SAXO1: variants seen among roughly 807,000 people sequenced by gnomAD.
SAXO1 encodes the protein 4930500O09Rik.
SAXO1 carries 21 observed loss-of-function variants against 17.5 expected under a neutral mutation model. The ratio of observed to expected loss-of-function variants is 1.20; its 90% CI spans 0.85 to 1.72. SAXO1 has a LOEUF of 1.72. Ranked by LOEUF, SAXO1 falls within the 40% of genes most tolerant of loss-of-function variation. SAXO1 has a pLI of 0.00. For synonymous variants in SAXO1, 274 were observed against 216.5 expected, an observed-to-expected ratio of 1.27 and a Z score of -2.33; for missense variants, 843 against 596.0, an observed-to-expected ratio of 1.41 and a Z score of -4.32.
rs1831354246 is a variant in SAXO1, at chr9:18,937,532, G to A, written c.421+4105C>T. ...TAATAGAATAAAAGTATTTGCTATA[G>A]TCTGAATGTGCCCCAAAATTCATGT... On this transcript the variant is annotated intron_variant, in intron 3 of 3. Transcript: ENST00000380534. Among the ~76,000 whole-genome samples, 3 of 152,308 alleles carry A rather than the reference G, an allele frequency of 2.0e-5. No homozygotes were observed. The South Asian group carries it at 6.2e-4, about 32-fold the overall frequency.
intron 1 of SAXO1, among the ~76,000 whole-genome samples, chr9:19,041,297 GAC>G (rs1836074153): frequency 6.6e-6 from 1 of 151,706 alleles, no homozygotes; most frequent in Admixed American, 6.6e-5. Flanking sequence ...AACAGAAGAG[GAC>G]ACAAAAAAGT....
chr9:18,943,014 C>T (rs531176933), intron 2 of SAXO1, among the ~76,000 whole-genome samples: 133 of 152,258 alleles, frequency 8.7e-4, no homozygotes, highest in Non-Finnish European at 1.6e-3. Flanking sequence ...ATAAAACCCA[C>T]TTCCTGGCCA....
In SAXO1 at chr9:18,928,913, A is replaced by G; in HGVS notation, c.564T>C (p.Cys188=). 1 of 1,614,176 alleles carries G rather than the reference A, an allele frequency of 6.2e-7. No individual in the cohort carries two copies. Among genetic ancestry groups the G allele is most frequent in the Non-Finnish European group, 8.5e-7 (1 of 1,180,034 alleles). ...PIKGLVKTIS[C]KPLAMPKLCN... ...AGAGCTTTGGCATGGCCAGAGGTTT[A>G]CAGCTTATGGTCTTCACAAGGCCTT... The change falls in exon 4 of 4, where the codon TGT becomes TGC. Residue 188 remains cysteine (C), a synonymous_variant. Transcript: ENST00000380534.
At chr9:19,031,081 C>G (rs1391684108) in intron 1 of SAXO1, among the ~76,000 whole-genome samples, 1 of 152,206 alleles carries the variant, frequency 6.6e-6, no homozygotes, top group East Asian at 1.9e-4. Context: ...AAGGAACACC[C>G]AAATGAGTCA....
chr9:19,033,079 G>C lies in SAXO1; in HGVS notation c.-171C>G. On this transcript the variant is annotated 5_prime_UTR_variant, in exon 1 of 4. Coordinates refer to ENST00000380534, the MANE Select transcript of SAXO1 (RefSeq NM_153707.4). ...CTTTTGCAATGTCCTGTCGTCTGTT[G>C]CCCTCCTGGAGCTGGCCTAGCGCGA... 1.6e-6 allele frequency: 1 copy of C among 627,212 alleles called. No individual in the cohort carries two copies. Among genetic ancestry groups the C allele is most frequent in the Non-Finnish European group, 2.6e-6 (1 of 390,850 alleles). The allele number at this position is 627,212 out of a possible 1,614,324, so 38.9% of individuals were successfully genotyped here.
At chr9:19,027,401 A>T (rs1835533027) in intron 1 of SAXO1, 1 of 760,462 alleles carries the variant, frequency 1.3e-6, no homozygotes, top group Non-Finnish European at 2.4e-6. Context: ...CAATACAGTG[A>T]CACTGGGGGC....
Position 19,027,534 on chromosome 9 carries a change from C to T in SAXO1, c.38+5337G>A. On this transcript the variant is annotated intron_variant, in intron 1 of 3. Transcript: ENST00000380534. ...TGCTGGCCCCCAGGGACGGAGAAGA[C>T]CCTCCTGGCCTGGGCCTGTAGGGCA... 4 of 1,035,576 alleles carry T rather than the reference C, an allele frequency of 3.9e-6. No individual in the cohort carries two copies. The Admixed American group carries it at 5.1e-5, about 13-fold the overall frequency. 64.1% of individuals were successfully genotyped at this position (1,035,576 alleles called of 1,614,324 possible).
intron 1 of SAXO1, among the ~76,000 whole-genome samples, chr9:19,019,988 T>A (rs1207463997): frequency 6.7e-6 from 1 of 148,788 alleles, no homozygotes; most frequent in Non-Finnish European, 1.5e-5. Context: ...GCATTCCATA[T>A]AAACTGGCCA....
chr9:18,992,082 C>T (rs1269144662), intron 1 of SAXO1, among the ~76,000 whole-genome samples: 1 of 152,188 alleles, frequency 6.6e-6, no homozygotes, highest in Non-Finnish European at 1.5e-5. Context: ...TGATTTGTCA[C>T]AACATCCCAT....
In SAXO1 at chr9:18,927,661, TC is replaced by T. The variant is rs1830823679; in HGVS notation, c.*390del. Reference sequence around the variant, plus strand: ...CTGCATAGCCAGCCTACAGATTCATTCCCCCCAAAATAAAATTTATTCTTTG... The same window carrying T: ...CTGCATAGCCAGCCTACAGATTCATTCCCCCAAAATAAAATTTATTCTTTG... On this transcript the variant is annotated 3_prime_UTR_variant, in exon 4 of 4. Coordinates refer to ENST00000380534, the MANE Select transcript of SAXO1 (RefSeq NM_153707.4). The T allele has an allele frequency of 6.0e-6, 1 of 166,274 alleles. No homozygotes were observed. The highest frequency in any genetic ancestry group is 1.3e-5 in the Non-Finnish European group (1 of 76,942). The allele number at this position is 166,274 out of a possible 1,614,324, so 10.3% of individuals were successfully genotyped here. A position where few individuals can be genotyped will look rare whatever the true frequency, so the allele number is the denominator to read the frequency against.
intron 2 of SAXO1, among the ~76,000 whole-genome samples, chr9:18,944,015 C>T (rs184614112): frequency 2.0e-5 from 3 of 152,244 alleles, no homozygotes; most frequent in African/African-American, 4.8e-5. Flanking sequence ...GCATCTCCCA[C>T]GGCTTCTACC....
At chr9:19,028,751 T>C (rs1277473664) in intron 1 of SAXO1, among the ~76,000 whole-genome samples, 1 of 152,154 alleles carries the variant, frequency 6.6e-6, no homozygotes, top group Non-Finnish European at 1.5e-5. Context: ...GTAAAATATG[T>C]CTGATTTTTT....
At chr9:19,032,603 G>C (rs1015902901) in intron 1 of SAXO1, among the ~76,000 whole-genome samples, 2 of 152,230 alleles carry the variant, frequency 1.3e-5, no homozygotes, top group African/African-American at 4.8e-5. Context: ...AGGGAAGGGA[G>C]TGCAGACTGC....
At chr9:19,047,382 T>A (rs995578405) in intron 1 of SAXO1, among the ~76,000 whole-genome samples, 2 of 151,710 alleles carry the variant, frequency 1.3e-5, no homozygotes, top group Admixed American at 1.3e-4. Context: ...AGAAAAAAAA[T>A]ACATTAGAGG....
intron 1 of SAXO1, among the ~76,000 whole-genome samples, chr9:18,953,093 C>T (rs907728265): frequency 2.0e-5 from 3 of 152,170 alleles, no homozygotes; most frequent in Non-Finnish European, 2.9e-5. Flanking sequence ...TTTAGGATTC[C>T]GACAAACCTC....
At chr9:19,026,940 G>T in intron 1 of SAXO1, 1 of 852,956 alleles carries the variant, frequency 1.2e-6, no homozygotes, top group East Asian at 2.7e-5. Flanking sequence ...TGGGGTGGAG[G>T]TGCTCAACAT....
intron 3 of SAXO1, among the ~76,000 whole-genome samples, chr9:18,929,262 G>A (rs571474467): frequency 1.3e-5 from 2 of 152,278 alleles, no homozygotes; most frequent in African/African-American, 4.8e-5. Context: ...CAAATCTACA[G>A]GAGCTCTCAT....
chr9:19,036,447 G>T (rs923697137), upstream of SAXO1, among the ~76,000 whole-genome samples: 1 of 152,028 alleles, frequency 6.6e-6, no homozygotes, highest in Admixed American at 6.6e-5. Context: ...AGGCCCGCAG[G>T]CCTAGGAGAA....
chr9:19,023,785 A>T (rs1239549427), intron 1 of SAXO1, among the ~76,000 whole-genome samples: 2 of 41,022 alleles, frequency 4.9e-5, no homozygotes, highest in Admixed American at 3.4e-4. Flanking sequence ...AGAAAGAAGG[A>T]AGGAAGGGAG....
Sources: allele counts gnomAD v4.1 joint callset (sites outside exome capture counted in the v4.1 genomes callset), GRCh38; gene constraint gnomAD v4.1.1; transcripts MANE v1.5; gene names NCBI Gene and HGNC (gene_info 2026-07-23, HGNC 2026-07-21).